Variants in MYO18A observed in about 807,000 individuals in gnomAD.
MYO18A encodes the protein unconventional myosin-XVIIIa.
Under a neutral mutation model 235.8 loss-of-function variants are expected in MYO18A, and 78 were observed. The ratio of observed to expected loss-of-function variants is 0.33; its 90% confidence interval spans 0.28 to 0.40. The LOEUF (loss-of-function observed/expected upper bound fraction) is 0.40, where lower values mean the gene tolerates loss of function less well. MYO18A is among the 10% of genes least tolerant of loss of function. The pLI, the probability that MYO18A is intolerant of heterozygous loss-of-function variation, is 1.00. For synonymous variants in MYO18A, 977 were observed against 1,077.8 expected, an observed-to-expected ratio of 0.91 and a Z score of 1.83; for missense variants, 2,215 against 2,699.3, an observed-to-expected ratio of 0.82 and a Z score of 3.98.
chr17:29,095,159 GT>G, intron 28 of MYO18A, 100 bp from the exon 29 acceptor site: 6 of 1,436,894 alleles, frequency 4.2e-6, no homozygotes, highest in Non-Finnish European at 5.5e-6. Context: ...TCAAGCAGGG[GT>G]GGGGGGACCC....
intron 20 of MYO18A, among the ~76,000 whole-genome samples, chr17:29,104,179 C>CT (rs1234594512): frequency 6.6e-6 from 1 of 152,134 alleles, no homozygotes; most frequent in African/African-American, 2.4e-5. Context: ...GAAGGGTTCT[C>CT]TTAGGGATGG....
At chr17:29,090,771 G>A (rs757133698) in intron 35 of MYO18A, 39 bp downstream of exon 35, 27 of 1,581,094 alleles carry the variant, frequency 1.7e-5, no homozygotes, top group Non-Finnish European at 2.3e-5. Flanking sequence ...CAAGGATGGT[G>A]ACGGTGCAGA....
At chr17:29,122,639 C>A (rs2067228599) in intron 2 of MYO18A, among the ~76,000 whole-genome samples, 1 of 152,262 alleles carries the variant, frequency 6.6e-6, no homozygotes, top group Non-Finnish European at 1.5e-5. Flanking sequence ...TGTCCTGAGT[C>A]CAAGGCCCTA....
Position 29,120,513 on chromosome 17 carries a change from G to A in MYO18A, c.1728+103C>T. On this transcript the variant is annotated intron_variant, in intron 7 of 41. Transcript: ENST00000527372. This position sits in a 1 kb window ranked among gnomAD's most constrained non-coding sequence, Gnocchi z 4.2. ...CCATGCCTGGGTCAATTTTGTTAGG[G>A]TAGAATCCCAGGAAAATGAGGCATG... is the stretch of plus-strand genomic sequence containing the variant. 1 of 1,437,130 alleles carries A rather than the reference G, an allele frequency of 7.0e-7. No individual in the cohort carries two copies. Among genetic ancestry groups the A allele is most frequent in the Non-Finnish European group, 9.4e-7 (1 of 1,067,360 alleles). The allele number at this position is 1,437,130 out of a possible 1,614,324, so 89.0% of individuals were successfully genotyped here.
Position 29,166,869 on chromosome 17 carries a change from T to TTTCTCCTTTTTCTCCTTC in MYO18A, c.54_71dup (p.Lys21_Glu26dup), listed in dbSNP as rs1246718591. 10 of 1,552,858 alleles carry TTTCTCCTTTTTCTCCTTC rather than the reference T, an allele frequency of 6.4e-6. 1 individual carries two copies. Among genetic ancestry groups the TTTCTCCTTTTTCTCCTTC allele is most frequent in the Admixed American group, 3.9e-5 (2 of 51,050 alleles). ...GCTCTGCCGCTGACATCCGCTCCTTTTTCTCCTTTTTCTCCTTCTTCTCCT... is the reference window on the plus strand; with the variant it reads ...GCTCTGCCGCTGACATCCGCTCCTTTTTCTCCTTTTTCTCCTTCTTCTCCTTTTTCTCCTTCTTCTCCT... On this transcript the variant is annotated inframe_insertion, in exon 2 of 42. Transcript: ENST00000527372.
Position 29,074,678 on chromosome 17 carries a change from G to A in MYO18A, c.*92C>T, listed in dbSNP as rs2065932671. On this transcript the variant is annotated 3_prime_UTR_variant, in exon 42 of 42. Transcript: ENST00000527372. The surrounding 1 kb of genome is among the most constrained non-coding windows in gnomAD (Gnocchi z 4.4). ...GTTTCCCATGCAGATCAGCAGTCGG[G>A]TGGGGGAGACCGGTGCCCCACCACT... 4 of 1,425,480 alleles carry A rather than the reference G, an allele frequency of 2.8e-6. No individual in the cohort carries two copies. The highest frequency in any genetic ancestry group is 1.4e-5 in the African/African-American group (1 of 71,360). The allele number at this position is 1,425,480 out of a possible 1,614,324, so 88.3% of individuals were successfully genotyped here.
Position 29,097,890 on chromosome 17 carries a change from C to A in MYO18A, c.4000G>T (p.Asp1334Tyr). The change falls in exon 26 of 42, where the codon GAT (aspartate) becomes TAT (tyrosine). Residue 1334 changes from aspartate to tyrosine, a missense_variant. Coordinates refer to ENST00000527372, the MANE Select transcript of MYO18A (RefSeq NM_078471.4). The stretch of plus-strand genomic sequence containing the variant: ...ACCTCCATCTGCTTCTTCAGTGCAT[C>A]GTACTGGGTCTGCAGAAGACAGGGT... ...KEMKELQTQYDALKKQMEVME... is the reference protein window; with the variant it reads ...KEMKELQTQYYALKKQMEVME... 6.2e-7 allele frequency: 1 copy of A among 1,612,862 alleles called. No individual in the cohort carries two copies. The highest frequency in any genetic ancestry group is 1.3e-5 in the African/African-American group (1 of 75,040).
chr17:29,140,404 G>A lies in MYO18A; in HGVS notation c.1000-18151C>T, dbSNP rs1221972519. 2 of 1,282,864 alleles carry A rather than the reference G, an allele frequency of 1.6e-6. No homozygotes were observed. Among genetic ancestry groups the A allele is most frequent in the Non-Finnish European group, 2.0e-6 (2 of 985,896 alleles). 79.5% of individuals were successfully genotyped at this position (1,282,864 alleles called of 1,614,324 possible). ...TCCGCTCTGATGCTGCTCTGGCTCCGTTAGCAGCTCAAAATAGCACAGGCT... is the reference window on the plus strand; with the variant it reads ...TCCGCTCTGATGCTGCTCTGGCTCCATTAGCAGCTCAAAATAGCACAGGCT... On this transcript the variant is annotated intron_variant, in intron 2 of 41. Coordinates refer to ENST00000527372, the MANE Select transcript of MYO18A (RefSeq NM_078471.4). This position sits in a 1 kb window ranked among gnomAD's most constrained non-coding sequence, Gnocchi z 4.2.
chr17:29,134,556 CTT>C (rs1029128921), intron 2 of MYO18A, among the ~76,000 whole-genome samples: 14 of 151,736 alleles, frequency 9.2e-5, no homozygotes, highest in Admixed American at 4.6e-4. Context: ...GAGTTTCACT[CTT>C]GTTGCCCAGG....
At chr17:29,081,083 G>A (rs1230782861) in intron 41 of MYO18A, 1 of 799,068 alleles carries the variant, frequency 1.3e-6, no homozygotes, top group Non-Finnish European at 1.5e-6. Flanking sequence ...GAGAGAGAGA[G>A]AGGAACAAGT....
intron 2 of MYO18A, among the ~76,000 whole-genome samples, chr17:29,136,707 C>A (rs1465476674): frequency 6.6e-6 from 1 of 152,250 alleles, no homozygotes; most frequent in Non-Finnish European, 1.5e-5. Flanking sequence ...TGAACCCACA[C>A]TGGTCTGCCT....
rs766218734 is a variant in MYO18A at position 29,114,090 on chromosome 17, A to G, written c.2519T>C (p.Ile840Thr). Residue 840 changes from isoleucine (I) to threonine (T), a missense_variant, in exon 15 of 42, where the codon ATC (isoleucine) becomes ACC (threonine). Coordinates refer to ENST00000527372, the MANE Select transcript of MYO18A (RefSeq NM_078471.4). The stretch of plus-strand genomic sequence containing the variant: ...TTCCAAGTCGTCAAACGCCAGCTCG[A>G]TGTTCTCCTGGGAAAGAAGGCCGAG... ...QELERYKEEN[I>T]ELAFDDLEPP... is the part of the protein sequence containing the mutation. 70 of 1,596,324 alleles carry G rather than the reference A, an allele frequency of 4.4e-5. No individual in the cohort carries two copies. The highest frequency in any genetic ancestry group is 5.8e-5 in the Non-Finnish European group (68 of 1,171,818).
chr17:29,165,604 C>T (rs2068262365), intron 2 of MYO18A: 1 of 273,068 alleles, frequency 3.7e-6, no homozygotes, highest in Non-Finnish European at 6.9e-6. Context: ...CCAAACTGCT[C>T]AGAATTCTAC....
At chr17:29,107,449 G>A in intron 19 of MYO18A, 2 of 459,548 alleles carry the variant, frequency 4.4e-6, no homozygotes, top group South Asian at 2.3e-5. Flanking sequence ...TCAGAGAGAA[G>A]TAAGCTCCTA....
chr17:29,154,129 C>T (rs567244500), intron 2 of MYO18A, among the ~76,000 whole-genome samples: 2,986 of 111,382 alleles, frequency 0.027, 95 homozygotes, highest in African/African-American at 0.084. Flanking sequence ...TGTGCGCGCG[C>T]GTGCGTGTGT....
intron 21 of MYO18A, among the ~76,000 whole-genome samples, chr17:29,102,927 C>T (rs2066690663): frequency 6.6e-6 from 1 of 152,222 alleles, no homozygotes; most frequent in African/African-American, 2.4e-5. Flanking sequence ...CCCTTCCACC[C>T]TGGCCCTGGG....
chr17:29,143,275 C>A (rs1418745797), intron 2 of MYO18A, among the ~76,000 whole-genome samples: 5 of 152,226 alleles, frequency 3.3e-5, no homozygotes, highest in Non-Finnish European at 7.3e-5. Context: ...CTCTTTTGCC[C>A]AGGCTGGAGT....
Position 29,146,678 on chromosome 17 carries a change from G to A in MYO18A, c.999+19264C>T, listed in dbSNP as rs529300988. Among the ~76,000 whole-genome samples, 5 of 152,324 alleles carry A rather than the reference G, an allele frequency of 3.3e-5. No individual in the cohort carries two copies. The South Asian group carries it at 1.0e-3, about 32-fold the overall frequency. On this transcript the variant is annotated intron_variant, in intron 2 of 41. Transcript: ENST00000527372. ...TCTATCCACACAACTAGAACCTGGG[G>A]CTGTGACATTTTGCCATTACTTGTC...
In MYO18A at chr17:29,118,738, G is replaced by A. The variant is rs955208842; in HGVS notation, c.1830-298C>T. Among the ~76,000 whole-genome samples, 2 of 152,252 alleles carry A rather than the reference G, an allele frequency of 1.3e-5. No individual in the cohort carries two copies. The highest frequency in any genetic ancestry group is 4.8e-5 in the African/African-American group (2 of 41,462). On this transcript the variant is annotated intron_variant, in intron 8 of 41. Coordinates refer to ENST00000527372, the MANE Select transcript of MYO18A (RefSeq NM_078471.4). This position sits in a 1 kb window ranked among gnomAD's most constrained non-coding sequence, Gnocchi z 4.2. ...GGGTGAGTCCCGCCAAGGCAGAGACGATGCCCTCAGTTACAAGAAGGGCTA... is the reference window on the plus strand; with the variant it reads ...GGGTGAGTCCCGCCAAGGCAGAGACAATGCCCTCAGTTACAAGAAGGGCTA...
Sources: allele counts gnomAD v4.1 joint callset (sites outside exome capture counted in the v4.1 genomes callset), GRCh38; gene constraint gnomAD v4.1.1; non-coding constraint Gnocchi (gnomAD v3.1); transcripts MANE v1.5; gene names NCBI Gene and HGNC (gene_info 2026-07-23, HGNC 2026-07-21).